The following TET2 variants were observed in gnomAD, a reference collection of about 807,000 sequenced individuals.
TET2 encodes the protein tet methylcytosine dioxygenase 2.
TET2 carries 299 observed loss-of-function variants against 142.9 expected under a neutral mutation model. The observed-to-expected ratio is 2.09, with a 90% confidence interval of 1.90 to 2.30. The LOEUF (loss-of-function observed/expected upper bound fraction) is 2.30. TET2 is among the 30% of genes most tolerant of loss of function. TET2 has a pLI of 0.00. For synonymous variants in TET2, 819 were observed against 849.0 expected (o/e 0.96, Z 0.61); for missense variants, 2,418 against 2,378.0 (o/e 1.02, Z -0.35).
intron 1 of TET2, among the ~76,000 whole-genome samples, chr4:105,163,844 A>AGT (rs1723995999): frequency 2.5e-5 from 3 of 118,520 alleles, no homozygotes; most frequent in Non-Finnish European, 3.6e-5. Context: ...AGAGAGAGAG[A>AGT]GAGAGAGAGA....
chr4:105,173,929 T>A (rs1251239457), intron 1 of TET2, among the ~76,000 whole-genome samples: 1 of 152,168 alleles, frequency 6.6e-6, no homozygotes, highest in Non-Finnish European at 1.5e-5. Context: ...TGTGAGGAAA[T>A]ATATATTTTA....
At position 105,278,043 on chromosome 4, in the gene TET2, C is replaced by G. The variant is rs1228170212; in HGVS notation, c.*1524C>G. ...GAAACAAAAACAGGCAGCTGGTTTG[C>G]TGTGGTGGTTTTAAATCATTAATTT... On this transcript the variant is annotated 3_prime_UTR_variant, in exon 11 of 11. Coordinates refer to ENST00000380013, the MANE Select transcript of TET2 (RefSeq NM_001127208.3). 1 of 210,312 alleles carries G rather than the reference C, an allele frequency of 4.8e-6. No individual in the cohort carries two copies. Among genetic ancestry groups the G allele is most frequent in the Non-Finnish European group, 9.6e-6 (1 of 103,842 alleles). 13.0% of individuals were successfully genotyped at this position (210,312 alleles called of 1,614,324 possible).
chr4:105,241,252 TGTAGTTGGGG>T, intron 3 of TET2, 77 bp from the exon 4 acceptor site: 1 of 1,417,958 alleles, frequency 7.1e-7, no homozygotes, highest in Middle Eastern at 2.0e-4. Context: ...GCCCTTAATG[TGTAGTTGGGG>T]GTTAAGCTTT....
At chr4:105,174,098 C>CT (rs1360664873) in intron 1 of TET2, among the ~76,000 whole-genome samples, 1 of 152,040 alleles carries the variant, frequency 6.6e-6, no homozygotes, top group East Asian at 1.9e-4. Context: ...TCAATTTGTT[C>CT]TATAGCTATA....
intron 1 of TET2, among the ~76,000 whole-genome samples, chr4:105,175,175 C>T (rs1366033888): frequency 1.3e-5 from 2 of 151,956 alleles, no homozygotes; most frequent in Admixed American, 6.6e-5. Context: ...TGTCATTCAA[C>T]CAAAAAATTA....
chr4:105,183,212 A>G (rs2110457677), intron 1 of TET2, among the ~76,000 whole-genome samples: 1 of 152,226 alleles, frequency 6.6e-6, no homozygotes, highest in South Asian at 2.1e-4. Flanking sequence ...CTCCCCAGAA[A>G]CCATTACATC....
At position 105,163,275 on chromosome 4, in the gene TET2, A is replaced by G. The variant is rs140378804; in HGVS notation, c.-193+16296A>G. Reference sequence around the variant, plus strand: ...AGATTTGTAAACTAGAGCTGTTTCTAACTGCTTATAAGACATTGCCACCTG... The same window carrying G: ...AGATTTGTAAACTAGAGCTGTTTCTGACTGCTTATAAGACATTGCCACCTG... On this transcript the variant is annotated intron_variant, in intron 1 of 10. Coordinates refer to ENST00000380013, the MANE Select transcript of TET2 (RefSeq NM_001127208.3). Among the ~76,000 whole-genome samples, 151 of 152,254 alleles carry G rather than the reference A, an allele frequency of 9.9e-4. 1 individual carries two copies. Among genetic ancestry groups the G allele is most frequent in the African/African-American group, 3.5e-3 (145 of 41,542 alleles).
At chr4:105,226,192 A>G (rs1728180775) in intron 2 of TET2, among the ~76,000 whole-genome samples, 1 of 152,144 alleles carries the variant, frequency 6.6e-6, no homozygotes, top group African/African-American at 2.4e-5. Context: ...TGTGGTGGGA[A>G]GAGCTTTAGA....
intron 6 of TET2, among the ~76,000 whole-genome samples, chr4:105,244,820 C>T (rs554848370): frequency 2.0e-5 from 3 of 152,148 alleles, no homozygotes; most frequent in Admixed American, 6.5e-5. Flanking sequence ...GTCTCGAACT[C>T]CCGACCTCAG....
At chr4:105,253,774 T>C (rs1717196110) in intron 6 of TET2, among the ~76,000 whole-genome samples, 1 of 152,186 alleles carries the variant, frequency 6.6e-6, no homozygotes, top group Non-Finnish European at 1.5e-5. Flanking sequence ...GTAGATATTC[T>C]TTATTTACAT....
rs1254556671 is a variant in TET2, at chr4:105,254,372, A to C, written c.3804-5247A>C. On this transcript the variant is annotated intron_variant, in intron 6 of 10. Transcript: ENST00000380013. ...CAAGGAATTGGTCCATTTCACCTTG[A>C]TTATTAAATGTGTGGGCACATTTGT... Among the ~76,000 whole-genome samples the C allele has an allele frequency of 2.0e-5, 3 of 152,122 alleles. No individual in the cohort carries two copies. In the East Asian group the frequency reaches 5.8e-4, roughly 29 times the overall value.
At chr4:105,242,035 G>C (rs1417563901) in intron 4 of TET2, 2 of 1,237,088 alleles carry the variant, frequency 1.6e-6, no homozygotes, top group Non-Finnish European at 2.0e-6. Context: ...TGCAGAGAAG[G>C]CCTTTCATAT....
At chr4:105,250,729 G>A (rs1459356317) in intron 6 of TET2, among the ~76,000 whole-genome samples, 1 of 151,872 alleles carries the variant, frequency 6.6e-6, no homozygotes, top group Non-Finnish European at 1.5e-5. Context: ...GTCTTGCTCT[G>A]CTGCCCAGTC....
At chr4:105,240,288 AAAG>A in intron 3 of TET2, 1 of 1,017,384 alleles carries the variant, frequency 9.8e-7, no homozygotes. Flanking sequence ...GTGACTCACA[AAAG>A]AACAAAGCAC....
chr4:105,242,457 A>G, intron 4 of TET2: 1 of 1,102,622 alleles, frequency 9.1e-7, no homozygotes, highest in Non-Finnish European at 1.1e-6. Context: ...ATCTATTATG[A>G]CTCCCCAAGT....
chr4:105,263,845 T>C (rs1191537250), intron 8 of TET2, among the ~76,000 whole-genome samples: 3 of 150,724 alleles, frequency 2.0e-5, no homozygotes, highest in African/African-American at 7.3e-5. Context: ...GGGGAGGGAG[T>C]AGAAGAAATG....
chr4:105,209,171 A>T (rs1237186228), intron 2 of TET2, among the ~76,000 whole-genome samples: 2 of 147,164 alleles, frequency 1.4e-5, no homozygotes, highest in Admixed American at 1.4e-4. Context: ...TTTTTTATCC[A>T]TTCACTTTTG....
At chr4:105,212,301 C>T (rs1454221935) in intron 2 of TET2, among the ~76,000 whole-genome samples, 1 of 152,118 alleles carries the variant, frequency 6.6e-6, no homozygotes, top group Non-Finnish European at 1.5e-5. Flanking sequence ...ACTCAGTGTA[C>T]CTTTCAGATT....
At chr4:105,237,646 A>T in intron 3 of TET2, 1 of 1,402,788 alleles carries the variant, frequency 7.1e-7, no homozygotes, top group Non-Finnish European at 9.3e-7. Context: ...CAATTCGCCT[A>T]TTTAGCTCTT....
Sources: allele counts gnomAD v4.1 joint callset (sites outside exome capture counted in the v4.1 genomes callset), GRCh38; gene constraint gnomAD v4.1.1; transcripts MANE v1.5; gene names NCBI Gene and HGNC (gene_info 2026-07-23, HGNC 2026-07-21).